Variants in ADAMTS18 observed in about 807,000 individuals in gnomAD.
ADAMTS18 encodes the protein A disintegrin and metalloproteinase with thrombospondin motifs 18.
In ADAMTS18, 157 loss-of-function variants were observed where a neutral mutation model predicts 165.9. The observed-to-expected ratio is 0.95, with a 90% CI of 0.83 to 1.08. The LOEUF is 1.08. ADAMTS18 is among the 50% of genes least tolerant of loss of function. The pLI is 0.00. For missense variants in ADAMTS18, 2,040 were observed against 1,534.0 expected, an observed-to-expected ratio of 1.33 and a Z score of -5.51; for synonymous variants, 782 against 578.2, an observed-to-expected ratio of 1.35 and a Z score of -5.06.
intron 12 of ADAMTS18, among the ~76,000 whole-genome samples, chr16:77,334,067 CTATATATAATATACAGTGTTATATAT>C (rs1567490828): frequency 3.4e-5 from 3 of 88,082 alleles, no homozygotes; most frequent in Non-Finnish European, 6.4e-5. Flanking sequence ...GCTATATATG[CTATATATAATATACAGTGTTATATAT>C]TATATATAAT....
chr16:77,362,219 A>T lies in ADAMTS18; in HGVS notation c.1102T>A (p.Phe368Ile). 1 of 1,614,158 alleles carries T rather than the reference A, an allele frequency of 6.2e-7. No homozygotes were observed. Among genetic ancestry groups the T allele is most frequent in the Non-Finnish European group, 8.5e-7 (1 of 1,180,018 alleles). The part of the protein sequence containing the change: ...NHHADQSLNS[F>I]CQWQSALIGK... Reference sequence around the variant, plus strand: ...ATGAGGGCAGACTGCCATTGACAAAAACTATTCAGAGACTGGTCTGCATGA... The same window carrying T: ...ATGAGGGCAGACTGCCATTGACAAATACTATTCAGAGACTGGTCTGCATGA... The change falls in exon 7 of 23, where the codon TTT becomes ATT. Residue 368 changes from phenylalanine (F) to isoleucine (I), a missense_variant. Phe to Ile is a conservative substitution (Grantham distance 21). Transcript: ENST00000282849.
chr16:77,313,196 A>C (rs1203523801), intron 16 of ADAMTS18, among the ~76,000 whole-genome samples: 1 of 152,138 alleles, frequency 6.6e-6, no homozygotes, highest in African/African-American at 2.4e-5. Context: ...TCACAAGGAC[A>C]AAAAATCAAA....
At chr16:77,305,447 A>G (rs1461678966) in intron 16 of ADAMTS18, among the ~76,000 whole-genome samples, 6 of 152,234 alleles carry the variant, frequency 3.9e-5, no homozygotes, top group African/African-American at 1.4e-4. Flanking sequence ...AAAATTCAAC[A>G]GTCATTGTTT....
chr16:77,382,017 T>TG (rs926312548), intron 3 of ADAMTS18, among the ~76,000 whole-genome samples: 5 of 152,094 alleles, frequency 3.3e-5, no homozygotes, highest in Non-Finnish European at 7.4e-5. Flanking sequence ...CTCTCTTTTG[T>TG]GGGGTATATT....
chr16:77,299,638 G>C (rs184448212), intron 17 of ADAMTS18, among the ~76,000 whole-genome samples: 4 of 152,334 alleles, frequency 2.6e-5, no homozygotes, highest in African/African-American at 4.8e-5. Flanking sequence ...AAATGAGCAA[G>C]TGTGACAATG....
intron 3 of ADAMTS18, among the ~76,000 whole-genome samples, chr16:77,394,324 AC>A (rs1174103193): frequency 1.3e-5 from 2 of 152,194 alleles, no homozygotes; most frequent in African/African-American, 4.8e-5. Flanking sequence ...ATTTCTGGTT[AC>A]TAGCTAGGTG....
At chr16:77,336,539 T>C (rs1417849128) in intron 11 of ADAMTS18, among the ~76,000 whole-genome samples, 1 of 152,220 alleles carries the variant, frequency 6.6e-6, no homozygotes, top group Non-Finnish European at 1.5e-5. Flanking sequence ...TCCTTTTTCC[T>C]TTGTCTACAT....
At chr16:77,410,154 C>G (rs2057442689) in intron 3 of ADAMTS18, among the ~76,000 whole-genome samples, 1 of 151,888 alleles carries the variant, frequency 6.6e-6, no homozygotes, top group South Asian at 2.1e-4. Context: ...TTACGAATAC[C>G]CATTCTTCCT....
chr16:77,383,639 G>A (rs966051694), intron 3 of ADAMTS18, among the ~76,000 whole-genome samples: 1 of 151,976 alleles, frequency 6.6e-6, no homozygotes, highest in African/African-American at 2.4e-5. Context: ...CACCTCCCAG[G>A]TTCAAGCAAT....
intron 16 of ADAMTS18, among the ~76,000 whole-genome samples, chr16:77,314,635 A>AG (rs1567474592): frequency 1.5e-5 from 2 of 133,862 alleles, no homozygotes; most frequent in African/African-American, 2.8e-5. Context: ...ATGTGTGTGT[A>AG]TGTGTGTGTG....
At position 77,362,946 on chromosome 16, in the gene ADAMTS18, T is replaced by C. The variant is rs568314054; in HGVS notation, c.1057-682A>G. On this transcript the variant is annotated intron_variant, in intron 6 of 22. Transcript: ENST00000282849. The stretch of plus-strand genomic sequence containing the variant: ...TCTCCTAACCAGCACACGCCTTTTC[T>C]GTCTTTCTAAAATTCCAAAAACCAT... Among the ~76,000 whole-genome samples the C allele has an allele frequency of 6.4e-4, 98 of 152,224 alleles. 1 individual carries two copies. The highest frequency in any genetic ancestry group is 1.2e-3 in the Non-Finnish European group (81 of 68,026).
intron 16 of ADAMTS18, among the ~76,000 whole-genome samples, chr16:77,311,212 T>C (rs560057557): frequency 2.0e-4 from 30 of 152,350 alleles, no homozygotes; most frequent in African/African-American, 6.5e-4. Context: ...TACAATAATT[T>C]TAGGTGGCCA....
chr16:77,386,080 C>G (rs563509838), intron 3 of ADAMTS18, among the ~76,000 whole-genome samples: 1 of 152,188 alleles, frequency 6.6e-6, no homozygotes, highest in Non-Finnish European at 1.5e-5. Flanking sequence ...TATTCCACAT[C>G]TGAAATTCTA....
chr16:77,323,396 C>G (rs62044890), intron 13 of ADAMTS18, among the ~76,000 whole-genome samples: 70,248 of 151,898 alleles, frequency 0.46, 16,911 homozygotes, highest in East Asian at 0.88. Flanking sequence ...CAAATATGCA[C>G]ATGCGTGGGT....
chr16:77,312,576 C>T (rs756698178), intron 16 of ADAMTS18, among the ~76,000 whole-genome samples: 21 of 152,282 alleles, frequency 1.4e-4, no homozygotes, highest in Non-Finnish European at 2.5e-4. Flanking sequence ...AAAAATCTTA[C>T]ACCTGGTGAA....
In ADAMTS18 at chr16:77,400,478, GT is replaced by G. The variant is rs1567541750; in HGVS notation, c.495+30816del. ...TGTCTGTGTGTGTGTGTGTGTGTGT[GT>G]GTTTTGTTTTTTTTTTTTTTGAGAC... is the stretch of plus-strand genomic sequence containing the variant. On this transcript the variant is annotated intron_variant, in intron 3 of 22. Transcript: ENST00000282849. Among the ~76,000 whole-genome samples the G allele has an allele frequency of 2.5e-5, 3 of 119,872 alleles. No homozygotes were observed. In the East Asian group the frequency reaches 6.1e-4, roughly 24 times the overall value. 78.6% of individuals were successfully genotyped at this position (119,872 alleles called of 152,430 possible).
At chr16:77,326,550 T>A (rs1333916207) in intron 12 of ADAMTS18, among the ~76,000 whole-genome samples, 1 of 152,098 alleles carries the variant, frequency 6.6e-6, no homozygotes, top group Non-Finnish European at 1.5e-5. Flanking sequence ...ACCTGGCTAA[T>A]TCTTGTACTT....
At chr16:77,371,824 C>A (rs2056880421) in intron 3 of ADAMTS18, among the ~76,000 whole-genome samples, 2 of 152,034 alleles carry the variant, frequency 1.3e-5, no homozygotes, top group South Asian at 4.2e-4. Context: ...AATCAATAGA[C>A]TAAGGAGACA....
At chr16:77,381,428 T>C (rs368689665) in intron 3 of ADAMTS18, among the ~76,000 whole-genome samples, 11 of 152,152 alleles carry the variant, frequency 7.2e-5, no homozygotes, top group East Asian at 3.9e-4. Context: ...CTTTCCCTGC[T>C]TCAAAAGGAC....
Sources: gnomAD v4.1 joint callset for allele counts (sites outside exome capture counted in the v4.1 genomes callset) on GRCh38, gnomAD v4.1.1 for gene constraint, MANE v1.5 for transcripts, NCBI Gene and HGNC (gene_info 2026-07-23, HGNC 2026-07-21) for gene names.